SMG6: variants seen among roughly 807,000 people sequenced by gnomAD.
SMG6 encodes telomerase-binding protein EST1A.
A neutral mutation model predicts 142.2 loss-of-function variants in SMG6; 66 were observed. The observed-to-expected ratio is 0.46, with a 90% CI of 0.38 to 0.57. The LOEUF is 0.57. SMG6 is among the 20% of genes least tolerant of loss of function. The pLI, the probability that SMG6 is intolerant of heterozygous loss-of-function variation, is 0.00. For missense variants in SMG6, 1,793 were observed against 1,832.0 expected (o/e 0.98, Z 0.39); for synonymous variants, 779 against 702.4 (o/e 1.11, Z -1.72).
intron 8 of SMG6, among the ~76,000 whole-genome samples, chr17:2,253,394 C>A (rs143007465): frequency 7.8e-4 from 118 of 152,176 alleles, no homozygotes; most frequent in African/African-American, 2.8e-3. Flanking sequence ...CCGCCCGCCT[C>A]GGTCTCCCAA....
At chr17:2,301,893 A>G (rs1043399919) in intron 1 of SMG6, among the ~76,000 whole-genome samples, 1 of 152,208 alleles carries the variant, frequency 6.6e-6, no homozygotes, top group African/African-American at 2.4e-5. Context: ...ACCACTAAAC[A>G]TTACAATGGA....
chr17:2,221,030 A>C (rs1161405828), intron 10 of SMG6, among the ~76,000 whole-genome samples: 2 of 152,218 alleles, frequency 1.3e-5, no homozygotes, highest in Non-Finnish European at 2.9e-5. Context: ...AAGTATTTCT[A>C]GTCAGGAAGA....
At chr17:2,224,928 TCAA>T (rs2073274160) in intron 10 of SMG6, among the ~76,000 whole-genome samples, 1 of 152,250 alleles carries the variant, frequency 6.6e-6, no homozygotes, top group Admixed American at 6.5e-5. Context: ...CTGACTTTAA[TCAA>T]CAACAGTGAA....
At chr17:2,200,912 AACC>A (rs1430456327) in intron 10 of SMG6, among the ~76,000 whole-genome samples, 1 of 152,196 alleles carries the variant, frequency 6.6e-6, no homozygotes, top group Non-Finnish European at 1.5e-5. Flanking sequence ...TACAGGTGTG[AACC>A]ACCACACCCG....
At chr17:2,083,707 C>G (rs968170765) in intron 14 of SMG6, among the ~76,000 whole-genome samples, 2 of 152,212 alleles carry the variant, frequency 1.3e-5, no homozygotes, top group African/African-American at 4.8e-5. Flanking sequence ...GCCTGCCTAG[C>G]CCATGGGGGA....
At chr17:2,105,174 G>A (rs999685339) in intron 13 of SMG6, among the ~76,000 whole-genome samples, 9 of 132,632 alleles carry the variant, frequency 6.8e-5, no homozygotes, top group East Asian at 2.4e-4. Context: ...CAATCCTCCC[G>A]CCTCGACCTC....
At chr17:2,242,689 T>TGAAAA (rs1356928889) in intron 9 of SMG6, among the ~76,000 whole-genome samples, 1 of 55,838 alleles carries the variant, frequency 1.8e-5, no homozygotes, top group African/African-American at 7.6e-5. Flanking sequence ...TCCATCTCTT[T>TGAAAA]AAAAAAAAAA....
chr17:2,192,835 T>C (rs948477585), intron 10 of SMG6, among the ~76,000 whole-genome samples: 1 of 151,892 alleles, frequency 6.6e-6, no homozygotes, highest in African/African-American at 2.4e-5. Context: ...GAAGAGGAGG[T>C]AGAGGAAGCA....
intron 13 of SMG6, among the ~76,000 whole-genome samples, chr17:2,114,961 A>AAATAAAATAAAATAAAATAAAATAAAAT (rs1567609058): frequency 1.7e-5 from 1 of 59,538 alleles, no homozygotes; most frequent in African/African-American, 8.3e-5. Context: ...TAAAAAAATG[A>AAATAAAATAAAATAAAATAAAATAAAAT]AATGAAATGA....
At chr17:2,293,745 A>T (rs1416083645) in intron 4 of SMG6, among the ~76,000 whole-genome samples, 1 of 152,246 alleles carries the variant, frequency 6.6e-6, no homozygotes, top group Non-Finnish European at 1.5e-5. Flanking sequence ...AAGTGCTGGG[A>T]TTACAGGCGT....
At chr17:2,153,589 G>C (rs1483953265) in intron 13 of SMG6, among the ~76,000 whole-genome samples, 1 of 152,154 alleles carries the variant, frequency 6.6e-6, no homozygotes, top group African/African-American at 2.4e-5. Context: ...GGGGAACCTG[G>C]GGATGCATGT....
chr17:2,250,392 CTTTT>C (rs370155077), intron 8 of SMG6, among the ~76,000 whole-genome samples: 83 of 146,680 alleles, frequency 5.7e-4, no homozygotes, highest in African/African-American at 2.0e-3. Context: ...TTTATATACA[CTTTT>C]TTTTTTTTTG....
intron 8 of SMG6, among the ~76,000 whole-genome samples, chr17:2,268,445 G>T (rs191896811): frequency 8.5e-5 from 13 of 152,142 alleles, no homozygotes; most frequent in Non-Finnish European, 7.4e-5. Context: ...CACAAACTAC[G>T]CAAGGGGCAC....
chr17:2,302,523 A>G (rs982880781), intron 1 of SMG6, among the ~76,000 whole-genome samples: 1 of 152,268 alleles, frequency 6.6e-6, no homozygotes, highest in African/African-American at 2.4e-5. Context: ...CCTGGGCGAC[A>G]GAGCTAGACT....
chr17:2,164,295 T>C (rs1358343485), intron 13 of SMG6, among the ~76,000 whole-genome samples: 4 of 151,070 alleles, frequency 2.6e-5, no homozygotes, highest in Non-Finnish European at 4.4e-5. Context: ...TGGTGGCAGG[T>C]GCTTGTAGTC....
intron 9 of SMG6, among the ~76,000 whole-genome samples, chr17:2,241,242 A>G (rs553757482): frequency 9.2e-5 from 14 of 152,330 alleles, no homozygotes; most frequent in African/African-American, 3.4e-4. Context: ...ATAACCTGGA[A>G]CACAGTAAAC....
At chr17:2,226,188 T>C (rs1255152282) in intron 10 of SMG6, among the ~76,000 whole-genome samples, 2 of 151,112 alleles carry the variant, frequency 1.3e-5, no homozygotes, top group Non-Finnish European at 2.9e-5. Context: ...GGCAGAAGAA[T>C]TGCTTGAACT....
intron 10 of SMG6, chr17:2,232,804 C>T (rs2073536280): frequency 6.6e-6 from 1 of 152,132 alleles, no homozygotes; most frequent in Non-Finnish European, 1.5e-5. Flanking sequence ...CTTATTTCGC[C>T]CTGTAGGAAG....
At chr17:2,236,770 G>A (rs1456497800) in intron 9 of SMG6, 133 bp from the exon 10 acceptor site, 86 of 1,352,374 alleles carry the variant, frequency 6.4e-5, no homozygotes, top group Non-Finnish European at 8.0e-5. Context: ...CTACTGCCTA[G>A]GACATTTCTT....
Sources: gnomAD v4.1 joint callset for allele counts (sites outside exome capture counted in the v4.1 genomes callset) on GRCh38, gnomAD v4.1.1 for gene constraint, MANE v1.5 for transcripts, NCBI Gene and HGNC (gene_info 2026-07-23, HGNC 2026-07-21) for gene names.